TBC1D1: variants seen among roughly 807,000 people sequenced by gnomAD.
TBC1D1 encodes the protein TBC1 (tre-2/USP6, BUB2, cdc16) domain family, member 1.
In TBC1D1, 89 loss-of-function variants were observed where a neutral mutation model predicts 125.6. The observed-to-expected ratio is 0.71, with a 90% confidence interval of 0.60 to 0.85. The LOEUF (loss-of-function observed/expected upper bound fraction) is 0.85, where lower values mean the gene tolerates loss of function less well. Ranked by LOEUF, TBC1D1 falls within the 40% of genes least tolerant of loss-of-function variation. TBC1D1 has a pLI of 0.00. For missense variants in TBC1D1, 1,377 were observed against 1,469.2 expected, an observed-to-expected ratio of 0.94 and a Z score of 1.03; for synonymous variants, 565 against 564.1, an observed-to-expected ratio of 1.00 and a Z score of -0.02.
intron 12 of TBC1D1, among the ~76,000 whole-genome samples, chr4:38,055,663 C>T (rs980387534): frequency 2.0e-4 from 30 of 152,088 alleles, no homozygotes; most frequent in Non-Finnish European, 3.2e-4. Flanking sequence ...GTATTCCTGC[C>T]GTGGGTGGCC....
chr4:37,909,938 A>AT (rs1363228496), intron 2 of TBC1D1, among the ~76,000 whole-genome samples: 4 of 152,074 alleles, frequency 2.6e-5, no homozygotes, highest in Admixed American at 6.6e-5. Flanking sequence ...GCTGGCAGGA[A>AT]TTTTTTCGTC....
At chr4:37,935,920 A>G (rs1724296328) in intron 2 of TBC1D1, among the ~76,000 whole-genome samples, 2 of 151,984 alleles carry the variant, frequency 1.3e-5, no homozygotes, top group Non-Finnish European at 1.5e-5. Flanking sequence ...TTCTGACCAG[A>G]GTCTTCTATA....
At chr4:38,108,652 T>G (rs1462464142) in intron 15 of TBC1D1, among the ~76,000 whole-genome samples, 1 of 152,186 alleles carries the variant, frequency 6.6e-6, no homozygotes, top group Non-Finnish European at 1.5e-5. Flanking sequence ...CACGTGTGGG[T>G]CACGGGTCCA....
chr4:37,977,914 C>A lies in TBC1D1; in HGVS notation c.418-36595C>A, dbSNP rs1036386600. 1.8e-4 allele frequency among the ~76,000 whole-genome samples: 27 copies of A among 152,202 alleles called. No homozygotes were observed. Among genetic ancestry groups the A allele is most frequent in the African/African-American group, 6.3e-4 (26 of 41,530 alleles). ...CCCCGCGTGTCTCCCTCGCGGGTGT[C>A]GCCCTCGTGTGTCTCCCTCGCAGAA... is the stretch of plus-strand genomic sequence containing the variant. On this transcript the variant is annotated intron_variant, in intron 2 of 19. Coordinates refer to ENST00000261439, the MANE Select transcript of TBC1D1 (RefSeq NM_015173.4). This position sits in a 1 kb window ranked among gnomAD's most constrained non-coding sequence, Gnocchi z 4.3.
At chr4:37,999,516 C>T (rs73810089) in intron 2 of TBC1D1, among the ~76,000 whole-genome samples, 2,427 of 152,224 alleles carry the variant, frequency 0.016, 63 homozygotes, top group African/African-American at 0.056. Context: ...AGCATCCTGC[C>T]CCCAGCGCGT....
At chr4:38,025,809 T>G (rs1744967117) in intron 6 of TBC1D1, among the ~76,000 whole-genome samples, 1 of 152,244 alleles carries the variant, frequency 6.6e-6, no homozygotes, top group Non-Finnish European at 1.5e-5. Context: ...AAGCCTTGTC[T>G]GTTTCCCTGG....
chr4:37,937,659 C>T (rs1409380688), intron 2 of TBC1D1, among the ~76,000 whole-genome samples: 1 of 152,070 alleles, frequency 6.6e-6, no homozygotes, highest in East Asian at 1.9e-4. Flanking sequence ...AAAACAATAA[C>T]AATTCTTATT....
intron 15 of TBC1D1, among the ~76,000 whole-genome samples, chr4:38,106,145 C>T (rs1761262405): frequency 1.3e-5 from 2 of 152,184 alleles, no homozygotes; most frequent in Admixed American, 6.5e-5. Flanking sequence ...AGGACAGTGG[C>T]TGTGACACAG....
intron 13 of TBC1D1, among the ~76,000 whole-genome samples, chr4:38,093,527 C>CG (rs1758793907): frequency 6.9e-6 from 1 of 144,438 alleles, no homozygotes; most frequent in South Asian, 2.2e-4. Context: ...TTTCCCCCCC[C>CG]TTTTTTTTTT....
At chr4:37,984,894 C>T (rs1297503035) in intron 2 of TBC1D1, among the ~76,000 whole-genome samples, 1 of 151,560 alleles carries the variant, frequency 6.6e-6, no homozygotes, top group Admixed American at 6.6e-5. Context: ...TTAGAATGCA[C>T]AGTAATATTC....
chr4:37,917,228 T>C (rs921379793), intron 2 of TBC1D1, among the ~76,000 whole-genome samples: 15 of 151,482 alleles, frequency 9.9e-5, no homozygotes, highest in African/African-American at 9.7e-5. Context: ...AATCCCGGCA[T>C]TTTGGGAGGC....
intron 6 of TBC1D1, among the ~76,000 whole-genome samples, chr4:38,027,439 A>G (rs1745281532): frequency 6.6e-6 from 1 of 152,206 alleles, no homozygotes; most frequent in African/African-American, 2.4e-5. Context: ...CCTGGGCAAC[A>G]TGGCGAAACC....
intron 2 of TBC1D1, among the ~76,000 whole-genome samples, chr4:37,930,836 T>G (rs1352797885): frequency 2.6e-5 from 4 of 152,238 alleles, no homozygotes; most frequent in Admixed American, 1.3e-4. Context: ...TAACACATAC[T>G]TATTTTAAAT....
intron 2 of TBC1D1, among the ~76,000 whole-genome samples, chr4:37,928,666 G>A (rs886671520): frequency 4.6e-5 from 7 of 152,158 alleles, no homozygotes; most frequent in East Asian, 1.9e-4. Flanking sequence ...ATAAACAGCC[G>A]ACCCATGCCA....
chr4:37,916,405 G>T (rs1253701379), intron 2 of TBC1D1, among the ~76,000 whole-genome samples: 1 of 152,000 alleles, frequency 6.6e-6, no homozygotes, highest in Non-Finnish European at 1.5e-5. Context: ...GGTGATAGAG[G>T]TGCATCGTTT....
chr4:38,067,206 C>T (rs1315556902), intron 12 of TBC1D1, among the ~76,000 whole-genome samples: 3 of 152,166 alleles, frequency 2.0e-5, no homozygotes, highest in Admixed American at 1.3e-4. Flanking sequence ...AAAGTAGGAA[C>T]GTGGTAATTA....
intron 2 of TBC1D1, among the ~76,000 whole-genome samples, chr4:37,909,781 G>A (rs1391924682): frequency 6.6e-6 from 1 of 152,096 alleles, no homozygotes; most frequent in Admixed American, 6.6e-5. Context: ...TTTCCACTGG[G>A]CACCTTTAAT....
At chr4:37,948,174 A>T (rs1457510627) in intron 2 of TBC1D1, among the ~76,000 whole-genome samples, 1 of 152,160 alleles carries the variant, frequency 6.6e-6, no homozygotes, top group African/African-American at 2.4e-5. Flanking sequence ...TCCAGAAAGA[A>T]GATTATAAGA....
chr4:38,104,761 A>G (rs77181798), intron 15 of TBC1D1, among the ~76,000 whole-genome samples: 4 of 114,232 alleles, frequency 3.5e-5, no homozygotes, highest in African/African-American at 1.4e-4. Flanking sequence ...TTTTTTTTTT[A>G]ATTTTTTTTT....
Sources: gnomAD v4.1 joint callset for allele counts (sites outside exome capture counted in the v4.1 genomes callset) on GRCh38, gnomAD v4.1.1 for gene constraint, Gnocchi (gnomAD v3.1) non-coding constraint, MANE v1.5 for transcripts, NCBI Gene and HGNC (gene_info 2026-07-23, HGNC 2026-07-21) for gene names.